CAMTA1: variants seen among roughly 807,000 people sequenced by gnomAD.
CAMTA1 encodes calmodulin-binding transcription activator 1.
CAMTA1 carries 27 observed loss-of-function variants against 170.9 expected under a neutral mutation model. The ratio of observed to expected loss-of-function variants is 0.16; its 90% CI spans 0.12 to 0.22. The LOEUF is 0.22. CAMTA1 is among the 10% of genes least tolerant of loss of function. The pLI, the probability that CAMTA1 is intolerant of heterozygous loss-of-function variation, is 1.00. For synonymous variants in CAMTA1, 833 were observed against 891.5 expected, an observed-to-expected ratio of 0.93 and a Z score of 1.17; for missense variants, 1,619 against 2,217.2, an observed-to-expected ratio of 0.73 and a Z score of 5.42.
chr1:7,498,842 G>A lies in CAMTA1; in HGVS notation c.510+30941G>A, dbSNP rs577490406. Reference sequence around the variant, plus strand: ...AGAGGATGGTGTGAGCCTGGTGTGCGTGTGTATGTATGAGTGTGTGTGTGC... The same window carrying A: ...AGAGGATGGTGTGAGCCTGGTGTGCATGTGTATGTATGAGTGTGTGTGTGC... On this transcript the variant is annotated intron_variant, in intron 6 of 22. Transcript: ENST00000303635. Among the ~76,000 whole-genome samples the A allele has an allele frequency of 2.4e-4, 32 of 131,442 alleles. No homozygotes were observed. The East Asian group carries it at 3.3e-3, about 14-fold the overall frequency. The allele number at this position is 131,442 out of a possible 152,430, so 86.2% of individuals were successfully genotyped here. A position where few individuals can be genotyped will look rare whatever the true frequency, so the allele number is the denominator to read the frequency against.
chr1:7,429,957 A>G (rs542679783), intron 5 of CAMTA1, among the ~76,000 whole-genome samples: 2 of 152,242 alleles, frequency 1.3e-5, no homozygotes, highest in South Asian at 2.1e-4. Flanking sequence ...CGACAGCACC[A>G]AGGGGAATGG....
intron 4 of CAMTA1, among the ~76,000 whole-genome samples, chr1:7,209,089 T>TTTGTTG (rs34746795): frequency 2.0e-5 from 3 of 151,924 alleles, no homozygotes; most frequent in Non-Finnish European, 4.4e-5. Context: ...ATACTTCTAT[T>TTTGTTG]TTGTTGTTGT....
At chr1:7,274,312 T>C (rs764507832) in intron 5 of CAMTA1, among the ~76,000 whole-genome samples, 1 of 152,052 alleles carries the variant, frequency 6.6e-6, no homozygotes, top group Non-Finnish European at 1.5e-5. Context: ...AAAGTGAATA[T>C]ATGATCAAGC....
chr1:7,570,790 C>T lies in CAMTA1; in HGVS notation c.511-69610C>T, dbSNP rs1357885403. 6.6e-6 allele frequency among the ~76,000 whole-genome samples: 1 copy of T among 152,156 alleles called. No homozygotes were observed. The highest frequency in any genetic ancestry group is 1.5e-5 in the Non-Finnish European group (1 of 68,028). Reference sequence around the variant, plus strand: ...TCACCCCCCACCGCAGAGGGAAAATCAGTGTTATCATGCGAGGATGGGGAT... The same window carrying T: ...TCACCCCCCACCGCAGAGGGAAAATTAGTGTTATCATGCGAGGATGGGGAT... On this transcript the variant is annotated intron_variant, in intron 6 of 22. Coordinates refer to ENST00000303635, the MANE Select transcript of CAMTA1 (RefSeq NM_015215.4). The surrounding 1 kb of genome is among the most constrained non-coding windows in gnomAD (Gnocchi z 4.3).
At chr1:6,816,137 G>T (rs1289738486) in intron 1 of CAMTA1, among the ~76,000 whole-genome samples, 1 of 152,188 alleles carries the variant, frequency 6.6e-6, no homozygotes, top group African/African-American at 2.4e-5. Context: ...GAGAACCATT[G>T]ATTTGATTAA....
At chr1:7,223,951 T>G (rs1264759629) in intron 4 of CAMTA1, among the ~76,000 whole-genome samples, 1 of 152,216 alleles carries the variant, frequency 6.6e-6, no homozygotes, top group Non-Finnish European at 1.5e-5. Flanking sequence ...CCATCTTCAC[T>G]GCAGTTGTTA....
intron 6 of CAMTA1, among the ~76,000 whole-genome samples, chr1:7,484,910 C>T (rs1003309641): frequency 8.5e-5 from 13 of 152,206 alleles, no homozygotes; most frequent in Non-Finnish European, 1.5e-4. Context: ...TAGGCTCTCT[C>T]CCCTCTCTGG....
chr1:6,907,011 G>C (rs1678657415), intron 3 of CAMTA1, among the ~76,000 whole-genome samples: 1 of 152,104 alleles, frequency 6.6e-6, no homozygotes, highest in Non-Finnish European at 1.5e-5. Flanking sequence ...TTGTTCTCTC[G>C]CAGGAAGTCT....
chr1:6,911,547 A>G (rs1679684154), intron 3 of CAMTA1, among the ~76,000 whole-genome samples: 1 of 151,568 alleles, frequency 6.6e-6, no homozygotes, highest in Admixed American at 6.6e-5. Context: ...AATGATCTTC[A>G]TGTTTGAGCC....
At chr1:7,696,320 C>T (rs563436605) in intron 11 of CAMTA1, among the ~76,000 whole-genome samples, 9 of 152,224 alleles carry the variant, frequency 5.9e-5, no homozygotes, top group Admixed American at 3.9e-4. Flanking sequence ...CCTCAGCCTC[C>T]GAGTAGCTGG....
At chr1:7,743,050 G>A (rs1577348054) in intron 16 of CAMTA1, among the ~76,000 whole-genome samples, 1 of 152,068 alleles carries the variant, frequency 6.6e-6, no homozygotes, top group South Asian at 2.1e-4. Flanking sequence ...ACAGGGTTTC[G>A]CCATATTGCC....
At chr1:7,140,322 A>G (rs1645817158) in intron 4 of CAMTA1, among the ~76,000 whole-genome samples, 1 of 152,188 alleles carries the variant, frequency 6.6e-6, no homozygotes, top group South Asian at 2.1e-4. Flanking sequence ...TAACATGGCA[A>G]CTTTTTTTTC....
At chr1:7,000,312 A>G (rs989518606) in intron 3 of CAMTA1, among the ~76,000 whole-genome samples, 1 of 152,202 alleles carries the variant, frequency 6.6e-6, no homozygotes, top group East Asian at 1.9e-4. Context: ...ATTTCTACCC[A>G]AGACTTTCCT....
chr1:6,809,306 C>T (rs1189688268), intron 1 of CAMTA1, among the ~76,000 whole-genome samples: 2 of 152,202 alleles, frequency 1.3e-5, no homozygotes, highest in Middle Eastern at 3.4e-3. Flanking sequence ...GGATTACAGA[C>T]GTGAGCCACC....
chr1:7,088,554 G>A (rs1641052359), intron 3 of CAMTA1, among the ~76,000 whole-genome samples: 1 of 152,242 alleles, frequency 6.6e-6, no homozygotes, highest in South Asian at 2.1e-4. Context: ...GCAGTAAGTA[G>A]TGCCAGGAGT....
chr1:7,511,042 C>T (rs1312680937), intron 6 of CAMTA1, among the ~76,000 whole-genome samples: 3 of 145,264 alleles, frequency 2.1e-5, no homozygotes, highest in Admixed American at 6.9e-5. Flanking sequence ...CTTCGGCACT[C>T]GCCCGATTGC....
intron 4 of CAMTA1, among the ~76,000 whole-genome samples, chr1:7,101,017 G>T (rs1410318565): frequency 6.6e-6 from 1 of 152,190 alleles, no homozygotes; most frequent in Non-Finnish European, 1.5e-5. Flanking sequence ...GCATCTCTAA[G>T]CAGGACACCT....
At position 7,443,500 on chromosome 1, in the gene CAMTA1, C is replaced by A. The variant is rs569238219; in HGVS notation, c.439-24330C>A. Among the ~76,000 whole-genome samples, 5 of 152,248 alleles carry A rather than the reference C, an allele frequency of 3.3e-5. No homozygotes were observed. ...CATTTTCTGGAGACTGGCGCCTGGA[C>A]CACCTCAGCACAATACCTACCACTG... is the stretch of plus-strand genomic sequence containing the variant. On this transcript the variant is annotated intron_variant, in intron 5 of 22. Coordinates refer to ENST00000303635, the MANE Select transcript of CAMTA1 (RefSeq NM_015215.4). This position sits in a 1 kb window ranked among gnomAD's most constrained non-coding sequence, Gnocchi z 4.1.
intron 3 of CAMTA1, among the ~76,000 whole-genome samples, chr1:6,937,260 C>T (rs998051221): frequency 1.3e-5 from 2 of 151,154 alleles, no homozygotes; most frequent in African/African-American, 4.9e-5. Context: ...CCATCATCAT[C>T]ACCACTACCA....
Sources: gnomAD v4.1 joint callset for allele counts (sites outside exome capture counted in the v4.1 genomes callset) on GRCh38, gnomAD v4.1.1 for gene constraint, Gnocchi (gnomAD v3.1) non-coding constraint, MANE v1.5 for transcripts, NCBI Gene and HGNC (gene_info 2026-07-23, HGNC 2026-07-21) for gene names.